The following GRIN2A variants were observed in gnomAD, a reference collection of about 807,000 sequenced individuals.
GRIN2A encodes the protein glutamate ionotropic receptor NMDA type subunit 2A.
GRIN2A carries 22 observed loss-of-function variants against 113.4 expected under a neutral mutation model. The observed-to-expected ratio is 0.19, with a 90% CI of 0.14 to 0.28. The LOEUF is 0.28. GRIN2A is among the 10% of genes least tolerant of loss of function. The pLI is 1.00. For synonymous variants in GRIN2A, 827 were observed against 738.4 expected (o/e 1.12, Z -1.94); for missense variants, 1,502 against 1,887.0 (o/e 0.80, Z 3.78).
intron 2 of GRIN2A, among the ~76,000 whole-genome samples, chr16:10,116,938 G>A (rs1264919685): frequency 6.6e-6 from 1 of 152,092 alleles, no homozygotes; most frequent in Non-Finnish European, 1.5e-5. Context: ...TGCTTGAGGT[G>A]AGAAGCCATC....
chr16:9,888,618 A>C (rs965413489), intron 4 of GRIN2A, among the ~76,000 whole-genome samples: 1 of 152,032 alleles, frequency 6.6e-6, no homozygotes, highest in Non-Finnish European at 1.5e-5. Flanking sequence ...TCATTAAATA[A>C]GATATAAGCT....
chr16:9,850,465 A>T (rs2042863699), intron 4 of GRIN2A, among the ~76,000 whole-genome samples: 1 of 152,230 alleles, frequency 6.6e-6, no homozygotes, highest in South Asian at 2.1e-4. Context: ...TGAAAGGCAA[A>T]AGCACAACAT....
At chr16:9,993,890 T>G (rs1481517030) in intron 2 of GRIN2A, among the ~76,000 whole-genome samples, 1 of 152,246 alleles carries the variant, frequency 6.6e-6, no homozygotes, top group East Asian at 1.9e-4. Context: ...TCTTTGTTTT[T>G]GCTCCTGGCT....
intron 3 of GRIN2A, among the ~76,000 whole-genome samples, chr16:9,919,983 C>T (rs756773529): frequency 2.0e-5 from 3 of 152,240 alleles, no homozygotes; most frequent in Non-Finnish European, 4.4e-5. Context: ...AAATAACCAT[C>T]CTTCAGTCTC....
intron 2 of GRIN2A, among the ~76,000 whole-genome samples, chr16:10,006,966 A>ATTCTT (rs1312460777): frequency 1.3e-5 from 2 of 152,288 alleles, no homozygotes; most frequent in African/African-American, 4.8e-5. Flanking sequence ...ACAGGATCTC[A>ATTCTT]TTCTTTTTAT....
intron 2 of GRIN2A, among the ~76,000 whole-genome samples, chr16:10,065,032 T>C (rs2047621545): frequency 6.6e-6 from 1 of 152,166 alleles, no homozygotes; most frequent in East Asian, 1.9e-4. Context: ...GTCAGGACCA[T>C]GCAAAAAATT....
rs577048662 is a variant in GRIN2A, at chr16:9,974,636, G to A, written c.415-36085C>T. Among the ~76,000 whole-genome samples, 35 of 152,178 alleles carry A rather than the reference G, an allele frequency of 2.3e-4. 1 individual carries two copies. Among genetic ancestry groups the A allele is most frequent in the African/African-American group, 7.0e-4 (29 of 41,500 alleles). The stretch of plus-strand genomic sequence containing the variant: ...TCCGTGTCTGAGGAGTTTTGTCTGC[G>A]GCTCGTCCTGCTACAAGGGGAATGA... On this transcript the variant is annotated intron_variant, in intron 2 of 12. Coordinates refer to ENST00000330684, the MANE Select transcript of GRIN2A (RefSeq NM_001134407.3).
intron 4 of GRIN2A, among the ~76,000 whole-genome samples, chr16:9,874,515 C>G (rs770172015): frequency 1.3e-5 from 2 of 152,190 alleles, no homozygotes; most frequent in Non-Finnish European, 2.9e-5. Context: ...GGCACATCCA[C>G]TGTGCAGGGA....
At chr16:10,010,401 T>G (rs1163990379) in intron 2 of GRIN2A, among the ~76,000 whole-genome samples, 2 of 152,200 alleles carry the variant, frequency 1.3e-5, no homozygotes, top group Non-Finnish European at 2.9e-5. Context: ...AAATAATCTT[T>G]ACTACAAACC....
rs548978692 is a variant in GRIN2A at position 10,145,113 on chromosome 16, T to C, written c.414+34885A>G. Among the ~76,000 whole-genome samples the C allele has an allele frequency of 2.2e-4, 33 of 151,980 alleles. 1 individual carries two copies. The highest frequency in any genetic ancestry group is 2.0e-4 in the Admixed American group (3 of 15,260). On this transcript the variant is annotated intron_variant, in intron 2 of 12. Coordinates refer to ENST00000330684, the MANE Select transcript of GRIN2A (RefSeq NM_001134407.3). Reference sequence around the variant, plus strand: ...GACAAAAACTGCATGATTCCACCCATACAGGATATCTAAAATAGACTCATA... The same window carrying C: ...GACAAAAACTGCATGATTCCACCCACACAGGATATCTAAAATAGACTCATA...
At chr16:10,138,836 C>T (rs778773103) in intron 2 of GRIN2A, among the ~76,000 whole-genome samples, 1 of 152,090 alleles carries the variant, frequency 6.6e-6, no homozygotes, top group Non-Finnish European at 1.5e-5. Flanking sequence ...TATTACTATG[C>T]CATCATTATC....
chr16:10,073,261 C>A (rs1361687820), intron 2 of GRIN2A, among the ~76,000 whole-genome samples: 2 of 152,092 alleles, frequency 1.3e-5, no homozygotes, highest in African/African-American at 4.8e-5. Context: ...CAGTCAAGAT[C>A]CCGTAATTCT....
At chr16:9,954,160 C>T (rs1017611105) in intron 2 of GRIN2A, among the ~76,000 whole-genome samples, 9 of 152,152 alleles carry the variant, frequency 5.9e-5, no homozygotes, top group African/African-American at 9.7e-5. Flanking sequence ...TAAAGGAAAA[C>T]GAAGTGAACA....
chr16:10,048,571 A>G (rs1407897857), intron 2 of GRIN2A, among the ~76,000 whole-genome samples: 15 of 152,192 alleles, frequency 9.9e-5, no homozygotes, highest in Admixed American at 9.8e-4. Flanking sequence ...ATATGCCTGA[A>G]TAAGTCTGCA....
chr16:10,135,092 C>G (rs773787798), intron 2 of GRIN2A, among the ~76,000 whole-genome samples: 13 of 152,204 alleles, frequency 8.5e-5, no homozygotes, highest in Non-Finnish European at 1.8e-4. Context: ...GCTTCAATCT[C>G]TTTCCTCTCA....
intron 11 of GRIN2A, 152 bp downstream of exon 11, chr16:9,798,125 T>C: frequency 1.4e-6 from 1 of 699,974 alleles, no homozygotes; most frequent in South Asian, 1.6e-5. Context: ...ATAAGCAACC[T>C]AAAGAACCAT....
chr16:9,884,452 G>A (rs12921702), intron 4 of GRIN2A, among the ~76,000 whole-genome samples: 1 of 152,072 alleles, frequency 6.6e-6, no homozygotes, highest in Non-Finnish European at 1.5e-5. Flanking sequence ...GGGAGGCTGA[G>A]ACAGGAGAAT....
At position 10,180,034 on chromosome 16, in the gene GRIN2A, G is replaced by A. The variant is rs746167235; in HGVS notation, c.378C>T (p.Gly126=). ...ISSHTFVPIL[G]IHGGASMIMA... ...TGATCATAGATGCGCCCCCATGAAT[G>A]CCCAAGATGGGGACGAAGGTGTGGG... The change falls in exon 2 of 13, where the codon GGC becomes GGT. Residue 126 remains glycine, a synonymous_variant. Coordinates refer to ENST00000330684, the MANE Select transcript of GRIN2A (RefSeq NM_001134407.3). This position sits in a 1 kb window ranked among gnomAD's most constrained non-coding sequence, Gnocchi z 7.0. The A allele has an allele frequency of 1.2e-6, 2 of 1,613,886 alleles. No homozygotes were observed. The highest frequency in any genetic ancestry group is 2.2e-5 in the East Asian group (1 of 44,868).
At chr16:10,161,491 G>A (rs1181809721) in intron 2 of GRIN2A, among the ~76,000 whole-genome samples, 3 of 152,148 alleles carry the variant, frequency 2.0e-5, no homozygotes, top group African/African-American at 4.8e-5. Flanking sequence ...TACCAACATA[G>A]TTACATTATG....
Sources: allele counts gnomAD v4.1 joint callset (sites outside exome capture counted in the v4.1 genomes callset), GRCh38; gene constraint gnomAD v4.1.1; non-coding constraint Gnocchi (gnomAD v3.1); transcripts MANE v1.5; gene names NCBI Gene and HGNC (gene_info 2026-07-23, HGNC 2026-07-21).